Variants in NLN observed in about 807,000 individuals in gnomAD.
The protein encoded by NLN is neurolysin.
NLN carries 64 observed loss-of-function variants against 79.9 expected under a neutral mutation model. That is an observed-to-expected ratio of 0.80 (90% confidence interval 0.65 to 0.99). NLN has a LOEUF of 0.99. NLN is among the 50% of genes least tolerant of loss of function. The pLI is 0.00. For synonymous variants in NLN, 267 were observed against 296.6 expected, an observed-to-expected ratio of 0.90 and a Z score of 1.02; for missense variants, 835 against 858.7, an observed-to-expected ratio of 0.97 and a Z score of 0.34.
intron 1 of NLN, among the ~76,000 whole-genome samples, chr5:65,729,284 G>A (rs1299914153): frequency 6.7e-6 from 1 of 149,734 alleles, no homozygotes; most frequent in Admixed American, 6.6e-5. Context: ...ATCTAGTAAA[G>A]AAAGGGTTTT....
chr5:65,766,802 G>T (rs1162815706), intron 3 of NLN, among the ~76,000 whole-genome samples: 1 of 152,230 alleles, frequency 6.6e-6, no homozygotes, highest in Non-Finnish European at 1.5e-5. Context: ...TTGGGTAAAT[G>T]TTCACATTCC....
At position 65,785,920 on chromosome 5, in the gene NLN, T is replaced by C. The variant is rs770165983; in HGVS notation, c.958+10T>C. ...GTAACAGCCTTTCTAGGTTAGTTCTTTTTTTTTTTTCTATGACTGTTTTGC... is the reference window on the plus strand; with the variant it reads ...GTAACAGCCTTTCTAGGTTAGTTCTCTTTTTTTTTTCTATGACTGTTTTGC... On this transcript the variant is annotated intron_variant, in intron 7 of 12. Transcript: ENST00000380985. 6 of 1,490,814 alleles carry C rather than the reference T, an allele frequency of 4.0e-6. No individual in the cohort carries two copies. The African/African-American group carries it at 7.7e-5, about 19-fold the overall frequency. 92.3% of individuals were successfully genotyped at this position (1,490,814 alleles called of 1,614,324 possible). A position where few individuals can be genotyped will look rare whatever the true frequency, so the allele number is the denominator to read the frequency against.
chr5:65,799,644 C>G (rs1373067685), intron 9 of NLN, among the ~76,000 whole-genome samples: 6 of 152,094 alleles, frequency 3.9e-5, no homozygotes, highest in Non-Finnish European at 7.4e-5. Context: ...TAAGATGTAC[C>G]TGATCAGGAA....
At chr5:65,800,969 A>T (rs1354052852) in intron 9 of NLN, among the ~76,000 whole-genome samples, 1 of 152,130 alleles carries the variant, frequency 6.6e-6, no homozygotes, top group Non-Finnish European at 1.5e-5. Context: ...CTGGAATTAC[A>T]GGCATGAGCC....
At chr5:65,787,461 C>T (rs897241315) in intron 7 of NLN, among the ~76,000 whole-genome samples, 12 of 152,122 alleles carry the variant, frequency 7.9e-5, no homozygotes, top group African/African-American at 2.9e-4. Context: ...CAGAGCCAGG[C>T]ATGTTTTTAT....
intron 1 of NLN, among the ~76,000 whole-genome samples, chr5:65,745,527 G>C (rs989624800): frequency 2.6e-5 from 4 of 152,174 alleles, no homozygotes; most frequent in African/African-American, 9.7e-5. Context: ...AGTAAATTGG[G>C]TTGATAATAT....
intron 1 of NLN, among the ~76,000 whole-genome samples, chr5:65,753,685 A>G (rs1759153155): frequency 1.3e-5 from 2 of 151,874 alleles, no homozygotes; most frequent in Admixed American, 6.6e-5. Context: ...TAATGATACT[A>G]ATGGAAATTT....
chr5:65,818,640 C>G (rs1760726082), intron 12 of NLN: 1 of 152,252 alleles, frequency 6.6e-6, no homozygotes, highest in Non-Finnish European at 1.5e-5. Context: ...CCCACCCTCA[C>G]AGAAAACAAA....
At position 65,823,215 on chromosome 5, in the gene NLN, G is replaced by A. The variant is rs1024935033; in HGVS notation, c.*300G>A. 1 of 230,680 alleles carries A rather than the reference G, an allele frequency of 4.3e-6. No individual in the cohort carries two copies. Among genetic ancestry groups the A allele is most frequent in the Admixed American group, 5.2e-5 (1 of 19,404 alleles). 14.3% of individuals were successfully genotyped at this position (230,680 alleles called of 1,614,324 possible). ...TTTACTATTATAATCTAGATAATATGATATAAGAGGGCTAAGAATTTTTAA... is the reference window on the plus strand; with the variant it reads ...TTTACTATTATAATCTAGATAATATAATATAAGAGGGCTAAGAATTTTTAA... On this transcript the variant is annotated 3_prime_UTR_variant, in exon 13 of 13. Transcript: ENST00000380985.
At chr5:65,793,266 T>C (rs896322414) in intron 9 of NLN, 1 of 167,616 alleles carries the variant, frequency 6.0e-6, no homozygotes. Context: ...CAGACTATTC[T>C]AGCATGAACC....
chr5:65,803,850 T>C lies in NLN; in HGVS notation c.1528-5665T>C, dbSNP rs113047677. On this transcript the variant is annotated intron_variant, in intron 9 of 12. Transcript: ENST00000380985. ...CTGTTCCTGGCTCCTGCCAGCTCCA[T>C]GGAGCGCACAGCCCCAGCCACGCTT... Among the ~76,000 whole-genome samples, 1,024 of 152,308 alleles carry C rather than the reference T, an allele frequency of 6.7e-3. 7 individuals are homozygous for C. The highest frequency in any genetic ancestry group is 0.024 in the African/African-American group (979 of 41,570).
At position 65,788,359 on chromosome 5, in the gene NLN, G is replaced by A. The variant is rs1329047001; in HGVS notation, c.1200G>A (p.Leu400=). 2 of 1,614,218 alleles carry A rather than the reference G, an allele frequency of 1.2e-6. No homozygotes were observed. Among genetic ancestry groups the A allele is most frequent in the Non-Finnish European group, 1.7e-6 (2 of 1,180,022 alleles). ...GCTTGCTGAACACCTACCAGGAGTT[G>A]TTGGGACTTTCATTTGAACAAATGA... ...TEGLLNTYQE[L]LGLSFEQMTD... The change falls in exon 8 of 13, where the codon TTG becomes TTA. Residue 400 remains leucine (L), a synonymous_variant. Coordinates refer to ENST00000380985, the MANE Select transcript of NLN (RefSeq NM_020726.5).
At chr5:65,738,161 A>G (rs2150736301) in intron 1 of NLN, among the ~76,000 whole-genome samples, 1 of 151,600 alleles carries the variant, frequency 6.6e-6, no homozygotes. Context: ...CCAAGGCAAT[A>G]CAACCTAGTA....
intron 1 of NLN, among the ~76,000 whole-genome samples, chr5:65,742,664 A>G (rs1279217601): frequency 2.0e-5 from 3 of 152,186 alleles, no homozygotes; most frequent in South Asian, 2.1e-4. Flanking sequence ...GCATTTTTCT[A>G]TGGTTGCTAA....
At chr5:65,729,375 T>C (rs1370184000) in intron 1 of NLN, among the ~76,000 whole-genome samples, 3 of 144,614 alleles carry the variant, frequency 2.1e-5, no homozygotes, top group East Asian at 3.9e-4. Flanking sequence ...TTTTCTTTTT[T>C]TTTTTTTTTT....
chr5:65,758,440 G>C, intron 1 of NLN, 127 bp from the exon 2 acceptor site: 2 of 601,088 alleles, frequency 3.3e-6, no homozygotes, highest in South Asian at 5.0e-5. Context: ...GTTCACCTGA[G>C]AGTATTTGCT....
intron 1 of NLN, among the ~76,000 whole-genome samples, chr5:65,738,038 G>A (rs886895962): frequency 2.7e-4 from 41 of 151,874 alleles, no homozygotes; most frequent in Non-Finnish European, 7.4e-5. Flanking sequence ...TGAGGTAGGA[G>A]GATCGCTTGC....
intron 9 of NLN, among the ~76,000 whole-genome samples, chr5:65,797,270 G>T (rs575161204): frequency 6.6e-6 from 1 of 152,220 alleles, no homozygotes; most frequent in African/African-American, 2.4e-5. Context: ...GAACTGTAAA[G>T]ATGTCGTTAT....
chr5:65,763,281 A>T (rs1759379189), intron 3 of NLN, among the ~76,000 whole-genome samples, 173 bp downstream of exon 3: 1 of 152,254 alleles, frequency 6.6e-6, no homozygotes, highest in Non-Finnish European at 1.5e-5. Flanking sequence ...CGTTGAGGTT[A>T]TGTTGAGCTG....
Sources: allele counts gnomAD v4.1 joint callset (sites outside exome capture counted in the v4.1 genomes callset), GRCh38; gene constraint gnomAD v4.1.1; transcripts MANE v1.5; gene names NCBI Gene and HGNC (gene_info 2026-07-23, HGNC 2026-07-21).